The following GPC6 variants were observed in gnomAD, a reference collection of about 807,000 sequenced individuals.
GPC6 encodes the protein glypican 6.
In GPC6, 14 loss-of-function variants were observed where a neutral mutation model predicts 55.2. The ratio of observed to expected loss-of-function variants is 0.25; its 90% CI spans 0.17 to 0.40. The LOEUF (loss-of-function observed/expected upper bound fraction) is 0.40, where lower values mean the gene tolerates loss of function less well. Ranked by LOEUF, GPC6 falls within the 10% of genes least tolerant of loss-of-function variation. GPC6 has a pLI of 1.00. For synonymous variants in GPC6, 278 were observed against 259.6 expected (o/e 1.07, Z -0.68); for missense variants, 641 against 708.5 (o/e 0.90, Z 1.08).
At chr13:93,744,936 C>CAA (rs71126414) in intron 2 of GPC6, among the ~76,000 whole-genome samples, 26 of 144,308 alleles carry the variant, frequency 1.8e-4, no homozygotes, top group East Asian at 6.1e-4. Flanking sequence ...GACTCTGTCT[C>CAA]AAAAAAAAAA....
chr13:94,193,537 A>G (rs962247802), intron 4 of GPC6, among the ~76,000 whole-genome samples: 1 of 152,188 alleles, frequency 6.6e-6, no homozygotes, highest in Non-Finnish European at 1.5e-5. Context: ...GTGCTGTAGC[A>G]TATGAAAACA....
chr13:93,884,456 A>C (rs148555629), intron 3 of GPC6, among the ~76,000 whole-genome samples: 17 of 152,090 alleles, frequency 1.1e-4, no homozygotes, highest in Non-Finnish European at 5.9e-5. Context: ...TTTTATCTTT[A>C]TAAACTCTCG....
chr13:93,503,472 A>T (rs1880595218), intron 1 of GPC6, among the ~76,000 whole-genome samples: 1 of 152,166 alleles, frequency 6.6e-6, no homozygotes, highest in Non-Finnish European at 1.5e-5. Context: ...CAAAATGTAA[A>T]CACCATTTTT....
intron 3 of GPC6, among the ~76,000 whole-genome samples, chr13:93,996,652 A>G (rs564596488): frequency 6.6e-6 from 1 of 152,204 alleles, no homozygotes; most frequent in Non-Finnish European, 1.5e-5. Flanking sequence ...AGCCAATGTT[A>G]TAGACCAAAT....
chr13:93,232,561 T>C (rs927994447), intron 1 of GPC6, among the ~76,000 whole-genome samples: 1 of 152,216 alleles, frequency 6.6e-6, no homozygotes, highest in Non-Finnish European at 1.5e-5. Flanking sequence ...TTGACTGATA[T>C]ACTTTTTTAC....
chr13:94,307,399 C>T (rs1357390457), intron 6 of GPC6, among the ~76,000 whole-genome samples: 1 of 152,070 alleles, frequency 6.6e-6, no homozygotes, highest in African/African-American at 2.4e-5. Context: ...TCACTGCAAA[C>T]TTGACCTGCT....
chr13:94,348,304 A>G (rs1878383189), intron 6 of GPC6, among the ~76,000 whole-genome samples: 1 of 152,220 alleles, frequency 6.6e-6, no homozygotes. Context: ...CCTGCATAAC[A>G]TACTTTGTGA....
chr13:93,277,392 G>A (rs1030314761), intron 1 of GPC6, among the ~76,000 whole-genome samples: 1 of 152,202 alleles, frequency 6.6e-6, no homozygotes, highest in African/African-American at 2.4e-5. Context: ...GTCAAGGAAA[G>A]TGCTTTATAA....
intron 3 of GPC6, among the ~76,000 whole-genome samples, chr13:93,905,410 G>C (rs1040282961): frequency 6.6e-6 from 1 of 152,090 alleles, no homozygotes; most frequent in African/African-American, 2.4e-5. Context: ...TATTATATTT[G>C]ACTAATAAGA....
rs925996856 is a variant in GPC6, at chr13:93,510,719, T to C, written c.161-34544T>C. Among the ~76,000 whole-genome samples the C allele has an allele frequency of 4.0e-5, 6 of 151,710 alleles. No individual in the cohort carries two copies. The East Asian group carries it at 1.2e-3, about 29-fold the overall frequency. On this transcript the variant is annotated intron_variant, in intron 1 of 8. Transcript: ENST00000377047. ...GAATGGTAATTGTGTTTGTCGTTTT[T>C]TGAATAATCTCCACACTGTTTTCTA...
chr13:93,942,249 T>C (rs1878773533), intron 3 of GPC6, among the ~76,000 whole-genome samples: 1 of 152,246 alleles, frequency 6.6e-6, no homozygotes, highest in African/African-American at 2.4e-5. Context: ...ATCTATTTTC[T>C]GAAGGGTTCT....
At chr13:93,605,686 A>T (rs1373279670) in intron 2 of GPC6, among the ~76,000 whole-genome samples, 8 of 151,712 alleles carry the variant, frequency 5.3e-5, no homozygotes, top group South Asian at 4.2e-4. Flanking sequence ...AAATGCAAAA[A>T]AAAAAAAAAG....
chr13:93,358,331 C>T (rs1041838239), intron 1 of GPC6, among the ~76,000 whole-genome samples: 5 of 152,080 alleles, frequency 3.3e-5, no homozygotes, highest in African/African-American at 1.2e-4. Flanking sequence ...CAGAGTAAGA[C>T]CTTGTCTCAA....
chr13:94,133,904 G>A (rs1037702235), intron 4 of GPC6, among the ~76,000 whole-genome samples: 5 of 151,994 alleles, frequency 3.3e-5, no homozygotes, highest in African/African-American at 1.2e-4. Context: ...CCAAAGACAG[G>A]TACACACAAT....
intron 1 of GPC6, among the ~76,000 whole-genome samples, chr13:93,414,475 T>C (rs2139249453): frequency 6.6e-6 from 1 of 152,334 alleles, no homozygotes; most frequent in Middle Eastern, 3.4e-3. Context: ...GATCGTCTGT[T>C]TCTTGGAACT....
intron 7 of GPC6, among the ~76,000 whole-genome samples, chr13:94,393,450 T>C (rs1880756149): frequency 1.3e-5 from 2 of 152,216 alleles, no homozygotes; most frequent in African/African-American, 4.8e-5. Flanking sequence ...TCTACTTAGA[T>C]GAGTAAAACT....
chr13:94,364,128 T>C (rs1377637801), intron 6 of GPC6, among the ~76,000 whole-genome samples: 1 of 152,206 alleles, frequency 6.6e-6, no homozygotes, highest in Non-Finnish European at 1.5e-5. Flanking sequence ...CTTCAGGCTC[T>C]CATTGCTTCT....
intron 3 of GPC6, among the ~76,000 whole-genome samples, chr13:93,956,434 T>A (rs542009293): frequency 6.6e-6 from 1 of 152,190 alleles, no homozygotes; most frequent in East Asian, 1.9e-4. Flanking sequence ...TTAAAACTAC[T>A]CAGACTGTGT....
intron 1 of GPC6, among the ~76,000 whole-genome samples, chr13:93,325,188 C>T (rs1344994817): frequency 1.3e-5 from 2 of 152,026 alleles, no homozygotes; most frequent in African/African-American, 4.8e-5. Context: ...AATTTCTAGC[C>T]AGTTAGTCCC....
Sources: allele counts gnomAD v4.1 joint callset (sites outside exome capture counted in the v4.1 genomes callset), GRCh38; gene constraint gnomAD v4.1.1; transcripts MANE v1.5; gene names NCBI Gene and HGNC (gene_info 2026-07-23, HGNC 2026-07-21).